WDR70: variants seen among roughly 807,000 people sequenced by gnomAD.
WDR70 encodes WD repeat-containing protein 70.
A neutral mutation model predicts 88.6 loss-of-function variants in WDR70; 53 were observed. That is an observed-to-expected ratio of 0.60 (90% CI 0.48 to 0.75). The LOEUF (loss-of-function observed/expected upper bound fraction) is 0.75, where lower values mean the gene tolerates loss of function less well. Among genes scored for constraint, WDR70 ranks in the 30% least tolerant of loss-of-function variants. WDR70 has a pLI of 0.00. For missense variants in WDR70, 610 were observed against 823.2 expected (o/e 0.74, Z 3.17); for synonymous variants, 280 against 270.0 (o/e 1.04, Z -0.36).
intron 10 of WDR70, among the ~76,000 whole-genome samples, chr5:37,660,942 A>G (rs1745686087): frequency 6.6e-6 from 1 of 152,338 alleles, no homozygotes; most frequent in East Asian, 1.9e-4. Context: ...TGTAGCATTT[A>G]CATTGTATTA....
intron 9 of WDR70, among the ~76,000 whole-genome samples, chr5:37,561,129 G>A (rs1326490476): frequency 6.6e-6 from 1 of 152,124 alleles, no homozygotes; most frequent in East Asian, 1.9e-4. Flanking sequence ...ACTGTCAGGG[G>A]AAATCTACTA....
intron 8 of WDR70, among the ~76,000 whole-genome samples, chr5:37,510,544 T>C (rs565619119): frequency 7.7e-4 from 118 of 152,310 alleles, no homozygotes; most frequent in Non-Finnish European, 1.3e-3. Flanking sequence ...GCAATCCTTC[T>C]GCCTCAGTCT....
intron 10 of WDR70, among the ~76,000 whole-genome samples, chr5:37,675,255 A>G (rs962308358): frequency 4.6e-5 from 7 of 151,936 alleles, no homozygotes; most frequent in African/African-American, 1.7e-4. Context: ...CCATTTGTCA[A>G]TTTTTGCTTT....
chr5:37,625,714 A>T (rs78398939), intron 10 of WDR70, among the ~76,000 whole-genome samples: 19,373 of 151,794 alleles, frequency 0.13, 1,551 homozygotes, highest in South Asian at 0.27. Context: ...TTTTTAGTAG[A>T]CATGTGGTTT....
chr5:37,409,210 A>T (rs1157154903), intron 5 of WDR70, among the ~76,000 whole-genome samples: 1 of 152,146 alleles, frequency 6.6e-6, no homozygotes, highest in African/African-American at 2.4e-5. Context: ...AAGTGCTGGG[A>T]TTACAGGCGT....
chr5:37,632,807 A>G (rs1017782401), intron 10 of WDR70, among the ~76,000 whole-genome samples: 4 of 152,324 alleles, frequency 2.6e-5, no homozygotes, highest in Non-Finnish European at 5.9e-5. Context: ...AAAGTGTACA[A>G]TAGTGTACAG....
intron 10 of WDR70, among the ~76,000 whole-genome samples, chr5:37,695,349 G>T (rs923174257): frequency 6.6e-6 from 1 of 152,134 alleles, no homozygotes; most frequent in African/African-American, 2.4e-5. Flanking sequence ...TTTGGGTGGG[G>T]ACACAGATCC....
At chr5:37,554,107 CCTT>C (rs1000191071) in intron 9 of WDR70, among the ~76,000 whole-genome samples, 1 of 144,406 alleles carries the variant, frequency 6.9e-6, no homozygotes, top group Non-Finnish European at 1.5e-5. Context: ...GTGCAATACT[CCTT>C]TTTTTTTTTT....
intron 10 of WDR70, among the ~76,000 whole-genome samples, chr5:37,649,236 GATA>G (rs1745324041): frequency 6.6e-6 from 1 of 151,996 alleles, no homozygotes; most frequent in Admixed American, 6.6e-5. Flanking sequence ...CTTTCCAAGA[GATA>G]ATGACCATTC....
intron 10 of WDR70, among the ~76,000 whole-genome samples, chr5:37,664,437 C>T (rs1211241819): frequency 6.6e-6 from 1 of 152,192 alleles, no homozygotes; most frequent in Non-Finnish European, 1.5e-5. Context: ...CTTTTCTATT[C>T]AGTGTCCTCT....
intron 7 of WDR70, among the ~76,000 whole-genome samples, chr5:37,467,248 GA>G (rs1739183430): frequency 6.7e-6 from 1 of 149,474 alleles, no homozygotes; most frequent in African/African-American, 2.4e-5. Context: ...AACAAAAAAA[GA>G]AAAAACAAGA....
chr5:37,719,274 A>C (rs1747736500), intron 13 of WDR70, among the ~76,000 whole-genome samples: 1 of 152,062 alleles, frequency 6.6e-6, no homozygotes, highest in Non-Finnish European at 1.5e-5. Flanking sequence ...GAGCAATTTT[A>C]TTAGGAGAAA....
chr5:37,445,016 T>C (rs1262929083), intron 7 of WDR70, among the ~76,000 whole-genome samples: 2 of 152,186 alleles, frequency 1.3e-5, no homozygotes, highest in Non-Finnish European at 2.9e-5. Flanking sequence ...GTGCACCTGG[T>C]TCCTAACAGG....
chr5:37,649,526 G>A (rs577510913), intron 10 of WDR70, among the ~76,000 whole-genome samples: 1 of 150,070 alleles, frequency 6.7e-6, no homozygotes, highest in East Asian at 2.0e-4. Context: ...ATGAAGGGAG[G>A]GGGAAGCATC....
At chr5:37,646,138 T>C (rs1745233643) in intron 10 of WDR70, among the ~76,000 whole-genome samples, 1 of 152,114 alleles carries the variant, frequency 6.6e-6, no homozygotes. Context: ...TTGTATGTTT[T>C]TTGATTTAAG....
In WDR70 at chr5:37,443,223, A is replaced by G. The variant is rs186875757; in HGVS notation, c.553-16A>G. ...CATTTTGCTCCGGTCATTTTATTTT[A>G]TTTTTTTAAAACCAGGTGTCTGCTT... On this transcript the variant is annotated splice_polypyrimidine_tract_variant and intron_variant, in intron 6 of 17. Coordinates refer to ENST00000265107, the MANE Select transcript of WDR70 (RefSeq NM_018034.4). 7.5e-5 allele frequency: 119 copies of G among 1,584,522 alleles called. No individual in the cohort carries two copies. The African/African-American group carries it at 1.4e-3, about 19-fold the overall frequency.
chr5:37,584,751 A>G (rs1170496647), intron 9 of WDR70, among the ~76,000 whole-genome samples: 1 of 152,024 alleles, frequency 6.6e-6, no homozygotes, highest in Non-Finnish European at 1.5e-5. Flanking sequence ...AAGTTGTTCC[A>G]GAAGCCATAG....
chr5:37,719,896 G>GC (rs1747758588), intron 13 of WDR70, among the ~76,000 whole-genome samples: 3 of 146,432 alleles, frequency 2.0e-5, no homozygotes, highest in African/African-American at 7.7e-5. Context: ...AGGCTGGAAT[G>GC]CAGTGGCACA....
chr5:37,489,681 C>T (rs55758219), intron 8 of WDR70, among the ~76,000 whole-genome samples: 90,661 of 151,736 alleles, frequency 0.6, 28,431 homozygotes, highest in Non-Finnish European at 0.69. Context: ...ACCAGTGGGG[C>T]ACAGCAATCC....
Sources: gnomAD v4.1 joint callset for allele counts (sites outside exome capture counted in the v4.1 genomes callset) on GRCh38, gnomAD v4.1.1 for gene constraint, MANE v1.5 for transcripts, NCBI Gene and HGNC (gene_info 2026-07-23, HGNC 2026-07-21) for gene names.